Variants in CFAP44 observed in about 807,000 individuals in gnomAD.
CFAP44 encodes the protein cilia- and flagella-associated protein 44.
A neutral mutation model predicts 216.2 loss-of-function variants in CFAP44; 134 were observed. The ratio of observed to expected loss-of-function variants is 0.62; its 90% CI spans 0.54 to 0.72. The LOEUF is 0.72. Ranked by LOEUF, CFAP44 falls within the 30% of genes least tolerant of loss-of-function variation. The pLI, the probability that CFAP44 is intolerant of heterozygous loss-of-function variation, is 0.00. For synonymous variants in CFAP44, 700 were observed against 727.6 expected, an observed-to-expected ratio of 0.96 and a Z score of 0.61; for missense variants, 2,035 against 2,182.1, an observed-to-expected ratio of 0.93 and a Z score of 1.34.
chr3:113,341,601 TATA>T, intron 24 of CFAP44, 140 bp downstream of exon 24: 5 of 1,003,372 alleles, frequency 5.0e-6, no homozygotes, highest in Non-Finnish European at 6.7e-6. Flanking sequence ...CTGACCTGTT[TATA>T]ATATCTCCTT....
chr3:113,371,810 A>G (rs1933175956), intron 18 of CFAP44, among the ~76,000 whole-genome samples: 1 of 152,182 alleles, frequency 6.6e-6, no homozygotes, highest in Non-Finnish European at 1.5e-5. Context: ...ATGGGAGAAA[A>G]TTTTTGCAAT....
At chr3:113,351,088 G>A (rs563009865) in intron 22 of CFAP44, among the ~76,000 whole-genome samples, 3 of 152,246 alleles carry the variant, frequency 2.0e-5, no homozygotes, top group South Asian at 4.1e-4. Flanking sequence ...TAATGGGTCC[G>A]CTCAAATGTG....
rs1372868460 is a variant in CFAP44 at position 113,426,420 on chromosome 3, C to T, written c.254-143G>A. The stretch of plus-strand genomic sequence containing the variant: ...GGTAATTGAATCACAGGGGCTGTTA[C>T]CTCCATGCTGTTCTCATGATGGTGT... On this transcript the variant is annotated intron_variant, in intron 3 of 34. Transcript: ENST00000393845. 6.2e-6 allele frequency: 5 copies of T among 808,148 alleles called. No individual in the cohort carries two copies. In the Admixed American group the frequency reaches 1.1e-4, roughly 18 times the overall value. The allele number at this position is 808,148 out of a possible 1,614,324, so 50.1% of individuals were successfully genotyped here.
At chr3:113,350,985 T>C (rs554966544) in intron 22 of CFAP44, among the ~76,000 whole-genome samples, 2 of 152,200 alleles carry the variant, frequency 1.3e-5, no homozygotes, top group African/African-American at 4.8e-5. Context: ...CAATAGATGG[T>C]TCCTCCTGGG....
chr3:113,343,740 G>C (rs1576558199), intron 23 of CFAP44, among the ~76,000 whole-genome samples: 1 of 152,190 alleles, frequency 6.6e-6, no homozygotes, highest in Non-Finnish European at 1.5e-5. Flanking sequence ...TGGAAACGTA[G>C]AACAGGGATA....
intron 28 of CFAP44, among the ~76,000 whole-genome samples, chr3:113,312,778 A>G (rs1055155724): frequency 6.6e-6 from 1 of 152,186 alleles, no homozygotes; most frequent in African/African-American, 2.4e-5. Flanking sequence ...CAGAGGGTGC[A>G]AGCCTCATGC....
At chr3:113,413,300 T>G (rs943692709) in intron 6 of CFAP44, among the ~76,000 whole-genome samples, 3 of 152,206 alleles carry the variant, frequency 2.0e-5, no homozygotes, top group African/African-American at 7.2e-5. Context: ...TTGCAAAAAT[T>G]TTCTCCCTCT....
At chr3:113,361,640 C>A (rs1449959133) in intron 21 of CFAP44, among the ~76,000 whole-genome samples, 2 of 151,584 alleles carry the variant, frequency 1.3e-5, no homozygotes, top group African/African-American at 4.8e-5. Flanking sequence ...GGACTACAGG[C>A]ACCCACCACC....
intron 18 of CFAP44, among the ~76,000 whole-genome samples, chr3:113,372,864 T>TG (rs1933216766): frequency 6.6e-6 from 1 of 152,208 alleles, no homozygotes; most frequent in Admixed American, 6.5e-5. Flanking sequence ...ACCAACCTGC[T>TG]GACACCTTGA....
At chr3:113,295,687 C>T (rs1576533281) in intron 33 of CFAP44, among the ~76,000 whole-genome samples, 1 of 152,292 alleles carries the variant, frequency 6.6e-6, no homozygotes, top group Non-Finnish European at 1.5e-5. Flanking sequence ...CAGGCTGGAA[C>T]CAGGCCAAGG....
intron 5 of CFAP44, chr3:113,417,313 G>A (rs940748697): frequency 7.9e-5 from 12 of 152,126 alleles, no homozygotes; most frequent in African/African-American, 2.9e-4. Flanking sequence ...TTCCAAACCA[G>A]ACACAGAGGA....
In CFAP44 at chr3:113,374,762, G is replaced by C. The variant is rs574141198; in HGVS notation, c.2299-1206C>G. On this transcript the variant is annotated intron_variant, in intron 17 of 34. Transcript: ENST00000393845. ...CAATTCTCCTGCCTCGGCCTCCCGG[G>C]TAGCTAGGATTGCAGGTTTGAGCCA... Among the ~76,000 whole-genome samples the C allele has an allele frequency of 1.7e-4, 26 of 152,224 alleles. No homozygotes were observed. In the South Asian group the frequency reaches 4.8e-3, roughly 28 times the overall value.
chr3:113,356,086 G>A (rs571981807), intron 22 of CFAP44, among the ~76,000 whole-genome samples: 9 of 149,476 alleles, frequency 6.0e-5, no homozygotes, highest in African/African-American at 1.5e-4. Context: ...AGAGGAAAGC[G>A]TACATTAAAG....
intron 32 of CFAP44, among the ~76,000 whole-genome samples, chr3:113,302,567 C>G (rs1183395197): frequency 6.6e-6 from 1 of 150,716 alleles, no homozygotes; most frequent in Non-Finnish European, 1.5e-5. Context: ...TGAGACCAGC[C>G]TGGCCACCAT....
intron 28 of CFAP44, among the ~76,000 whole-genome samples, chr3:113,317,422 A>G (rs891434454): frequency 4.6e-5 from 7 of 151,500 alleles, no homozygotes; most frequent in Non-Finnish European, 1.0e-4. Context: ...ACTGGGGCAC[A>G]TCTTCTCTGC....
chr3:113,426,038 T>C (rs1442308644), intron 4 of CFAP44, 86 bp downstream of exon 4: 1 of 1,498,576 alleles, frequency 6.7e-7, no homozygotes, highest in East Asian at 2.3e-5. Context: ...GGAAGGCACA[T>C]TTGGGCTCCC....
intron 15 of CFAP44, among the ~76,000 whole-genome samples, chr3:113,392,544 A>G (rs1576586666): frequency 6.6e-6 from 1 of 152,220 alleles, no homozygotes; most frequent in East Asian, 1.9e-4. Context: ...ACATGTCAAA[A>G]TAACTAAAAG....
intron 17 of CFAP44, among the ~76,000 whole-genome samples, chr3:113,377,120 G>A: frequency 6.6e-6 from 1 of 152,222 alleles, no homozygotes; most frequent in East Asian, 1.9e-4. Context: ...AATGTGAGAT[G>A]AGGTTATCAT....
intron 17 of CFAP44, among the ~76,000 whole-genome samples, chr3:113,377,722 G>A (rs1273739445): frequency 2.6e-5 from 4 of 151,924 alleles, no homozygotes; most frequent in Admixed American, 6.6e-5. Context: ...GCACAATCTC[G>A]GCTCACTGCA....
Sources: gnomAD v4.1 joint callset for allele counts (sites outside exome capture counted in the v4.1 genomes callset) on GRCh38, gnomAD v4.1.1 for gene constraint, MANE v1.5 for transcripts, NCBI Gene and HGNC (gene_info 2026-07-23, HGNC 2026-07-21) for gene names.